Variants in PRKN observed in about 807,000 individuals in gnomAD.
The protein encoded by PRKN is parkin RBR E3 ubiquitin protein ligase, also known as E3 ubiquitin-protein ligase parkin.
A neutral mutation model predicts 59.5 loss-of-function variants in PRKN; 56 were observed. The ratio of observed to expected loss-of-function variants is 0.94; its 90% CI spans 0.76 to 1.18. The LOEUF (loss-of-function observed/expected upper bound fraction) is 1.18, where lower values mean the gene tolerates loss of function less well. PRKN is among the 50% of genes most tolerant of loss of function. The pLI, the probability that PRKN is intolerant of heterozygous loss-of-function variation, is 0.00. For missense variants in PRKN, 657 were observed against 596.4 expected, an observed-to-expected ratio of 1.10 and a Z score of -1.06; for synonymous variants, 250 against 222.1, an observed-to-expected ratio of 1.13 and a Z score of -1.12.
intron 6 of PRKN, among the ~76,000 whole-genome samples, chr6:161,852,574 T>C (rs902534348): frequency 6.6e-6 from 1 of 152,146 alleles, no homozygotes; most frequent in Non-Finnish European, 1.5e-5. Flanking sequence ...CAACACTCAA[T>C]TCAAGGTAAA....
Position 161,361,731 on chromosome 6 carries a change from C to A in PRKN, c.1168-1526G>T, listed in dbSNP as rs1210687265. Among the ~76,000 whole-genome samples the A allele has an allele frequency of 2.0e-5, 3 of 152,176 alleles. No homozygotes were observed. Among genetic ancestry groups the A allele is most frequent in the South Asian group, 4.1e-4 (2 of 4,832 alleles). On this transcript the variant is annotated intron_variant, in intron 10 of 11. Transcript: ENST00000366898. The surrounding 1 kb of genome is among the most constrained non-coding windows in gnomAD (Gnocchi z 5.2). ...ACCCTTGAGAACTGCCAGGGTGTCA[C>A]GTGATTTGTGAATACTTTGCTAGAA... is the stretch of plus-strand genomic sequence containing the variant.
chr6:162,196,163 T>C (rs532361002), intron 4 of PRKN, among the ~76,000 whole-genome samples: 1 of 152,166 alleles, frequency 6.6e-6, no homozygotes, highest in Non-Finnish European at 1.5e-5. Flanking sequence ...GAAAGAGTAC[T>C]GTTAGGATTT....
At chr6:161,940,540 G>T (rs1779523530) in intron 6 of PRKN, among the ~76,000 whole-genome samples, 1 of 152,178 alleles carries the variant, frequency 6.6e-6, no homozygotes, top group African/African-American at 2.4e-5. Context: ...ACTGAGCATT[G>T]GTTGAGAGTT....
rs964261015 is a variant in PRKN, at chr6:161,963,038, G to A, written c.734+10264C>T. ...TATGCCTTTAATCCCAGCTACTCAG[G>A]AGGCTGAGGCAGGAGAATCGCTTGA... is the stretch of plus-strand genomic sequence containing the variant. On this transcript the variant is annotated intron_variant, in intron 6 of 11. Transcript: ENST00000366898. 3.4e-4 allele frequency among the ~76,000 whole-genome samples: 51 copies of A among 152,116 alleles called. 3 individuals carry two copies.
intron 7 of PRKN, among the ~76,000 whole-genome samples, chr6:161,757,940 T>C (rs1376003168): frequency 7.3e-6 from 1 of 136,738 alleles, no homozygotes; most frequent in Non-Finnish European, 1.6e-5. Context: ...TCTGTATATA[T>C]ATGTATATAT....
At chr6:162,606,965 G>A (rs1298926357) in intron 1 of PRKN, among the ~76,000 whole-genome samples, 2 of 152,126 alleles carry the variant, frequency 1.3e-5, no homozygotes, top group African/African-American at 2.4e-5. Context: ...CACCTACCCT[G>A]GCCTACCAAA....
At chr6:162,511,874 A>C (rs1319948844) in intron 1 of PRKN, among the ~76,000 whole-genome samples, 2 of 152,196 alleles carry the variant, frequency 1.3e-5, no homozygotes, top group Non-Finnish European at 2.9e-5. Context: ...TTAATTTTTA[A>C]TAATTTAAAA....
chr6:161,959,034 G>A (rs971611019), intron 6 of PRKN, among the ~76,000 whole-genome samples: 4 of 152,136 alleles, frequency 2.6e-5, no homozygotes, highest in East Asian at 1.9e-4. Context: ...AGCAGTCACT[G>A]GAATAAGTTA....
At chr6:162,154,888 A>G (rs552842840) in intron 4 of PRKN, among the ~76,000 whole-genome samples, 1 of 152,004 alleles carries the variant, frequency 6.6e-6, no homozygotes, top group African/African-American at 2.4e-5. Flanking sequence ...CTCTCTCACC[A>G]GTATAAAAGG....
intron 10 of PRKN, among the ~76,000 whole-genome samples, chr6:161,370,367 G>A (rs1050791657): frequency 1.6e-4 from 24 of 150,266 alleles, no homozygotes; most frequent in African/African-American, 5.7e-4. Flanking sequence ...GGTGGATCAC[G>A]AGGTCAGATC....
chr6:162,387,013 T>G (rs1318704645), intron 2 of PRKN, among the ~76,000 whole-genome samples: 1 of 152,130 alleles, frequency 6.6e-6, no homozygotes, highest in Non-Finnish European at 1.5e-5. Context: ...AAATGGAAGT[T>G]AATTAAAAAG....
intron 2 of PRKN, among the ~76,000 whole-genome samples, chr6:162,303,173 G>GA (rs1165611801): frequency 6.6e-6 from 1 of 152,130 alleles, no homozygotes; most frequent in Non-Finnish European, 1.5e-5. Context: ...ATTAAATAGT[G>GA]AAAATCTAGC....
chr6:161,407,343 G>A lies in PRKN; in HGVS notation c.1084-20466C>T, dbSNP rs1478789417. ...CTGAAAAGGGAGGGGCTGGGGAAGG[G>A]GGCAGCTGCACTCGGTGGGAGGCTC... On this transcript the variant is annotated intron_variant, in intron 9 of 11. Coordinates refer to ENST00000366898, the MANE Select transcript of PRKN (RefSeq NM_004562.3). The surrounding 1 kb of genome is among the most constrained non-coding windows in gnomAD (Gnocchi z 4.9). Among the ~76,000 whole-genome samples the A allele has an allele frequency of 6.6e-6, 1 of 151,982 alleles. No individual in the cohort carries two copies. Among genetic ancestry groups the A allele is most frequent in the Non-Finnish European group, 1.5e-5 (1 of 68,002 alleles).
intron 5 of PRKN, among the ~76,000 whole-genome samples, chr6:162,049,391 CA>C: frequency 6.6e-6 from 1 of 152,024 alleles, no homozygotes; most frequent in South Asian, 2.1e-4. Flanking sequence ...AAATGCAATC[CA>C]GAAAAATGGT....
chr6:162,412,961 C>T (rs921667374), intron 2 of PRKN, among the ~76,000 whole-genome samples: 2 of 152,108 alleles, frequency 1.3e-5, no homozygotes, highest in Non-Finnish European at 2.9e-5. Context: ...CTCTTAAACA[C>T]AGTTTAATGA....
rs1200399603 is a variant in PRKN, at chr6:161,429,184, A to C, written c.1084-42307T>G. On this transcript the variant is annotated intron_variant, in intron 9 of 11. Transcript: ENST00000366898. This position sits in a 1 kb window ranked among gnomAD's most constrained non-coding sequence, Gnocchi z 4.2. ...TCACACTTCATATGATGTAAGATAC[A>C]ATTTATATATTCTTGCTCATTTACT... 1.3e-5 allele frequency among the ~76,000 whole-genome samples: 2 copies of C among 152,166 alleles called. No individual in the cohort carries two copies. Among genetic ancestry groups the C allele is most frequent in the Non-Finnish European group, 2.9e-5 (2 of 68,036 alleles).
intron 7 of PRKN, among the ~76,000 whole-genome samples, chr6:161,710,736 T>C (rs1426570523): frequency 1.3e-5 from 2 of 152,076 alleles, no homozygotes; most frequent in Admixed American, 1.3e-4. Flanking sequence ...AAATAAGACA[T>C]TTTCTTGCTT....
chr6:161,869,258 A>G (rs1047684164), intron 6 of PRKN, among the ~76,000 whole-genome samples: 1 of 152,112 alleles, frequency 6.6e-6, no homozygotes, highest in Non-Finnish European at 1.5e-5. Context: ...GTGCACCTGT[A>G]ATCCCAGCTA....
At chr6:162,253,652 CTT>C (rs565213491) in intron 3 of PRKN, among the ~76,000 whole-genome samples, 70 of 152,174 alleles carry the variant, frequency 4.6e-4, no homozygotes, top group African/African-American at 1.6e-3. Flanking sequence ...CTTGGTCCAC[CTT>C]TCCCCAAGAT....
Sources: allele counts gnomAD v4.1 joint callset (sites outside exome capture counted in the v4.1 genomes callset), GRCh38; gene constraint gnomAD v4.1.1; non-coding constraint Gnocchi (gnomAD v3.1); transcripts MANE v1.5; gene names NCBI Gene and HGNC (gene_info 2026-07-23, HGNC 2026-07-21).